The following DNER variants were observed in gnomAD, a reference collection of about 807,000 sequenced individuals.
The protein encoded by DNER is delta and Notch-like epidermal growth factor-related receptor.
In DNER, 33 loss-of-function variants were observed where a neutral mutation model predicts 78.2. The ratio of observed to expected loss-of-function variants is 0.42; its 90% CI spans 0.32 to 0.56. The LOEUF (loss-of-function observed/expected upper bound fraction) is 0.56, where lower values mean the gene tolerates loss of function less well. Among genes scored for constraint, DNER ranks in the 20% least tolerant of loss-of-function variants. DNER has a pLI of 0.11. For missense variants in DNER, 918 were observed against 975.3 expected (o/e 0.94, Z 0.78); for synonymous variants, 417 against 384.8 (o/e 1.08, Z -0.98).
chr2:229,572,381 C>A (rs757144404), intron 4 of DNER, among the ~76,000 whole-genome samples: 40 of 152,180 alleles, frequency 2.6e-4, no homozygotes, highest in Non-Finnish European at 5.0e-4. Context: ...CACATCATCT[C>A]AAAATCATTA....
At chr2:229,604,148 T>C in intron 1 of DNER, among the ~76,000 whole-genome samples, 1 of 152,238 alleles carries the variant, frequency 6.6e-6, no homozygotes, top group South Asian at 2.1e-4. Context: ...CAAGTCAGAG[T>C]AGCACTTTGA....
chr2:229,528,451 T>C (rs13388601), intron 5 of DNER, among the ~76,000 whole-genome samples: 5,823 of 152,304 alleles, frequency 0.038, 355 homozygotes, highest in African/African-American at 0.12. Flanking sequence ...TAAGTCCTTC[T>C]ACCCACCACA....
intron 5 of DNER, among the ~76,000 whole-genome samples, chr2:229,539,178 C>T (rs1171618312): frequency 4.6e-5 from 7 of 152,202 alleles, no homozygotes; most frequent in Non-Finnish European, 5.9e-5. Flanking sequence ...TATAAGCCAA[C>T]CAGGTCACAG....
At chr2:229,636,771 T>C (rs1698538003) in intron 1 of DNER, among the ~76,000 whole-genome samples, 1 of 152,124 alleles carries the variant, frequency 6.6e-6, no homozygotes, top group African/African-American at 2.4e-5. Flanking sequence ...TGTGGTCACA[T>C]GAATGAGCTA....
intron 5 of DNER, 26 bp from the exon 6 acceptor site, chr2:229,512,962 C>CT (rs772852791): frequency 6.2e-7 from 1 of 1,608,458 alleles, no homozygotes; most frequent in South Asian, 1.1e-5. Context: ...AGCACAGTGT[C>CT]TATTACCTGG....
chr2:229,438,172 G>A (rs756166502), intron 8 of DNER, among the ~76,000 whole-genome samples: 8 of 152,208 alleles, frequency 5.3e-5, no homozygotes, highest in Non-Finnish European at 1.0e-4. Context: ...CCTAGATGCG[G>A]TTCAATACCC....
chr2:229,557,754 T>C (rs554549411), intron 4 of DNER, among the ~76,000 whole-genome samples: 1 of 150,650 alleles, frequency 6.6e-6, no homozygotes, highest in African/African-American at 2.4e-5. Flanking sequence ...AAAAGGAAAT[T>C]AATACAGAGA....
intron 1 of DNER, among the ~76,000 whole-genome samples, chr2:229,615,544 C>T (rs918732179): frequency 1.3e-5 from 2 of 151,914 alleles, no homozygotes; most frequent in Non-Finnish European, 2.9e-5. Flanking sequence ...CCTATCTCTA[C>T]TAAAAATACA....
intron 11 of DNER, among the ~76,000 whole-genome samples, chr2:229,369,365 A>T (rs1692428199): frequency 6.7e-6 from 1 of 150,330 alleles, no homozygotes; most frequent in Admixed American, 6.6e-5. Context: ...CTAAAAAGTT[A>T]AAAAAAAGTT....
intron 11 of DNER, among the ~76,000 whole-genome samples, chr2:229,371,129 A>C (rs902419743): frequency 2.0e-5 from 3 of 152,046 alleles, no homozygotes; most frequent in African/African-American, 7.2e-5. Flanking sequence ...ATTCCACCTC[A>C]CTGTCATCTA....
intron 5 of DNER, among the ~76,000 whole-genome samples, chr2:229,520,850 G>T (rs562008062): frequency 6.6e-6 from 1 of 152,148 alleles, no homozygotes; most frequent in Non-Finnish European, 1.5e-5. Context: ...ATCTCTGCTC[G>T]CCTTAAGGAA....
At chr2:229,419,367 T>C (rs1023141112) in intron 8 of DNER, among the ~76,000 whole-genome samples, 5 of 152,296 alleles carry the variant, frequency 3.3e-5, no homozygotes, top group African/African-American at 9.6e-5. Context: ...GAAAAACATG[T>C]GAGTGTTTTC....
Position 229,714,193 on chromosome 2 carries a change from G to C in DNER, c.231C>G (p.Gly77=), listed in dbSNP as rs540513003. Residue 77 remains glycine, a synonymous_variant, in exon 1 of 13, where the codon GGC becomes GGG. Coordinates refer to ENST00000341772, the MANE Select transcript of DNER (RefSeq NM_139072.4). ...TCCCGGCGGGGCAGGTGCAGCTGTA[G>C]CCAGGCTCGCCGGCGGGGGCCGGGT... ...PQHPAPAGEP[G]YSCTCPAGIS... The C allele has an allele frequency of 5.5e-5, 75 of 1,372,564 alleles. 1 individual carries two copies. In the East Asian group the frequency reaches 2.2e-3, roughly 40 times the overall value. The allele number at this position is 1,372,564 out of a possible 1,614,324, so 85.0% of individuals were successfully genotyped here.
chr2:229,406,256 G>A (rs1693379556), intron 10 of DNER, among the ~76,000 whole-genome samples: 1 of 152,112 alleles, frequency 6.6e-6, no homozygotes, highest in Admixed American at 6.5e-5. Context: ...GATAACATAT[G>A]TTTTTCTTTG....
At chr2:229,623,394 C>A (rs1236206031) in intron 1 of DNER, among the ~76,000 whole-genome samples, 2 of 152,082 alleles carry the variant, frequency 1.3e-5, no homozygotes, top group Non-Finnish European at 2.9e-5. Flanking sequence ...TTGCCTGCTC[C>A]CCCTCCCATC....
intron 6 of DNER, among the ~76,000 whole-genome samples, chr2:229,493,056 A>G (rs920425487): frequency 6.6e-5 from 10 of 152,178 alleles, no homozygotes; most frequent in Admixed American, 6.5e-4. Context: ...GGACACACAG[A>G]AAATTCTAAT....
intron 6 of DNER, among the ~76,000 whole-genome samples, chr2:229,508,380 C>T (rs1200239332): frequency 6.6e-6 from 1 of 152,122 alleles, no homozygotes; most frequent in African/African-American, 2.4e-5. Flanking sequence ...CATATCTGTG[C>T]CTGTTCATAG....
intron 6 of DNER, among the ~76,000 whole-genome samples, chr2:229,495,210 A>C (rs910473897): frequency 1.3e-5 from 2 of 152,206 alleles, no homozygotes; most frequent in East Asian, 1.9e-4. Flanking sequence ...TAAATATATA[A>C]TTTCATCACT....
At chr2:229,472,826 T>C (rs1389012722) in intron 7 of DNER, among the ~76,000 whole-genome samples, 1 of 152,200 alleles carries the variant, frequency 6.6e-6, no homozygotes, top group African/African-American at 2.4e-5. Flanking sequence ...ACTTTCCCAA[T>C]ATGAACCTAG....
Sources: gnomAD v4.1 joint callset for allele counts (sites outside exome capture counted in the v4.1 genomes callset) on GRCh38, gnomAD v4.1.1 for gene constraint, MANE v1.5 for transcripts, NCBI Gene and HGNC (gene_info 2026-07-23, HGNC 2026-07-21) for gene names.